CDYL: variants seen among roughly 807,000 people sequenced by gnomAD.
CDYL encodes the protein chromodomain Y-like protein.
CDYL carries 8 observed loss-of-function variants against 47.3 expected under a neutral mutation model. The observed-to-expected ratio is 0.17, with a 90% CI of 0.10 to 0.31. The LOEUF (loss-of-function observed/expected upper bound fraction) is 0.31. Ranked by LOEUF, CDYL falls within the 10% of genes least tolerant of loss-of-function variation. The pLI, the probability that CDYL is intolerant of heterozygous loss-of-function variation, is 1.00. For synonymous variants in CDYL, 266 were observed against 265.0 expected (o/e 1.00, Z -0.04); for missense variants, 471 against 701.4 (o/e 0.67, Z 3.71).
At chr6:4,836,764 A>G (rs908279489) in intron 1 of CDYL, among the ~76,000 whole-genome samples, 8 of 152,192 alleles carry the variant, frequency 5.3e-5, no homozygotes, top group African/African-American at 1.7e-4. Flanking sequence ...TGGCTGAAGG[A>G]AAAAATGCTG....
chr6:4,826,175 T>C (rs1404689104), intron 1 of CDYL, among the ~76,000 whole-genome samples: 1 of 152,262 alleles, frequency 6.6e-6, no homozygotes, highest in Non-Finnish European at 1.5e-5. Context: ...ATTTACCTTA[T>C]GAGCAGGTGG....
intron 3 of CDYL, among the ~76,000 whole-genome samples, chr6:4,751,919 TG>T (rs1758000062): frequency 6.6e-6 from 1 of 152,228 alleles, no homozygotes; most frequent in African/African-American, 2.4e-5. Context: ...ACTGTTTTGC[TG>T]GCTCTGGGCC....
At chr6:4,717,021 T>C (rs1757278095) in intron 2 of CDYL, among the ~76,000 whole-genome samples, 2 of 152,252 alleles carry the variant, frequency 1.3e-5, no homozygotes, top group South Asian at 4.2e-4. Context: ...CTGGGAATGA[T>C]GAGTCTGAAG....
intron 1 of CDYL, among the ~76,000 whole-genome samples, chr6:4,874,736 A>G (rs1392363009): frequency 6.6e-6 from 1 of 152,174 alleles, no homozygotes; most frequent in African/African-American, 2.4e-5. Flanking sequence ...CCCCATCACC[A>G]TGGATAAGCA....
At chr6:4,731,108 A>G (rs1213839852) in intron 2 of CDYL, among the ~76,000 whole-genome samples, 1 of 152,160 alleles carries the variant, frequency 6.6e-6, no homozygotes, top group African/African-American at 2.4e-5. Context: ...GACTAGTGCG[A>G]ATACTCCATT....
chr6:4,850,643 G>A (rs1011752964), intron 1 of CDYL, among the ~76,000 whole-genome samples: 1 of 152,196 alleles, frequency 6.6e-6, no homozygotes, highest in Admixed American at 6.5e-5. Flanking sequence ...TGATAACAGT[G>A]TGGATCAAGA....
At chr6:4,719,103 T>G (rs1400451694) in intron 2 of CDYL, among the ~76,000 whole-genome samples, 1 of 152,158 alleles carries the variant, frequency 6.6e-6, no homozygotes, top group African/African-American at 2.4e-5. Flanking sequence ...TTTTGTATTT[T>G]TAGTAGAGAT....
At chr6:4,952,013 G>A (rs1338188391) in intron 5 of CDYL, among the ~76,000 whole-genome samples, 2 of 152,104 alleles carry the variant, frequency 1.3e-5, no homozygotes, top group African/African-American at 4.8e-5. Flanking sequence ...TTCTGTAGTA[G>A]GTTGTAAAAT....
intron 1 of CDYL, among the ~76,000 whole-genome samples, chr6:4,874,525 C>G (rs73717741): frequency 0.054 from 8,268 of 152,272 alleles, 246 homozygotes; most frequent in South Asian, 0.14. Flanking sequence ...CCTCTCCATT[C>G]TAAGACTGAT....
chr6:4,739,550 A>T (rs1374089688), intron 3 of CDYL, among the ~76,000 whole-genome samples: 1 of 152,066 alleles, frequency 6.6e-6, no homozygotes, highest in African/African-American at 2.4e-5. Flanking sequence ...GAGTAAAAAA[A>T]AAATGCCACG....
At chr6:4,943,205 T>C (rs1251345722) in intron 4 of CDYL, among the ~76,000 whole-genome samples, 1 of 152,106 alleles carries the variant, frequency 6.6e-6, no homozygotes, top group Non-Finnish European at 1.5e-5. Context: ...TCCTGTGTCT[T>C]CGAGGGAAGA....
intron 1 of CDYL, among the ~76,000 whole-genome samples, chr6:4,783,804 T>C (rs993933113): frequency 1.3e-5 from 2 of 152,210 alleles, no homozygotes; most frequent in African/African-American, 4.8e-5. Flanking sequence ...TCTTTGACTT[T>C]GGTTTCCTCT....
chr6:4,791,755 C>G (rs759628606), intron 1 of CDYL, among the ~76,000 whole-genome samples: 1 of 151,326 alleles, frequency 6.6e-6, no homozygotes, highest in African/African-American at 2.4e-5. Context: ...CTAACTACTA[C>G]GAACCACAGA....
intron 1 of CDYL, among the ~76,000 whole-genome samples, chr6:4,829,518 C>G (rs533737377): frequency 1.3e-5 from 2 of 152,322 alleles, no homozygotes; most frequent in South Asian, 4.1e-4. Flanking sequence ...CTTCTCAGGT[C>G]TTTCTGAGCG....
At chr6:4,894,859 A>ATACACACGTGTATGTG (rs1561692210) in intron 2 of CDYL, among the ~76,000 whole-genome samples, 3 of 63,142 alleles carry the variant, frequency 4.8e-5, no homozygotes, top group African/African-American at 1.2e-4. Flanking sequence ...GTGTGTGTAT[A>ATACACACGTGTATGTG]TGTGTATATA....
chr6:4,765,630 C>G (rs1028410070), intron 3 of CDYL, among the ~76,000 whole-genome samples: 8 of 151,484 alleles, frequency 5.3e-5, no homozygotes, highest in African/African-American at 1.7e-4. Flanking sequence ...GTGGCACAAT[C>G]TCAGCTCTCT....
At chr6:4,767,826 G>A (rs577239963) in intron 3 of CDYL, among the ~76,000 whole-genome samples, 10 of 152,296 alleles carry the variant, frequency 6.6e-5, no homozygotes, top group Admixed American at 3.3e-4. Flanking sequence ...TGGCATCAGC[G>A]AAGCAGGTCC....
At chr6:4,784,359 A>T (rs896955920) in intron 1 of CDYL, among the ~76,000 whole-genome samples, 3 of 152,118 alleles carry the variant, frequency 2.0e-5, no homozygotes, top group Non-Finnish European at 4.4e-5. Flanking sequence ...TTTATTAAAG[A>T]TCTAGTTAAT....
chr6:4,719,799 G>A (rs1278846156), intron 2 of CDYL, among the ~76,000 whole-genome samples: 2 of 152,120 alleles, frequency 1.3e-5, no homozygotes, highest in African/African-American at 2.4e-5. Flanking sequence ...CATTGAAACA[G>A]TCACCAGAAT....
Sources: allele counts gnomAD v4.1 joint callset (sites outside exome capture counted in the v4.1 genomes callset), GRCh38; gene constraint gnomAD v4.1.1; transcripts MANE v1.5; gene names NCBI Gene and HGNC (gene_info 2026-07-23, HGNC 2026-07-21).